Variants in HEMK2 observed in about 807,000 individuals in gnomAD.
The protein encoded by HEMK2 is methyltransferase HEMK2.
chr21:28,730,100 G>T, the HEMK2 span, among the ~76,000 whole-genome samples: 1 of 151,986 alleles, frequency 6.6e-6, no homozygotes, highest in Admixed American at 6.6e-5. Context: ...AAACATTGCC[G>T]GGCTTGGTGG....
chr21:28,602,722 G>T, the HEMK2 span, among the ~76,000 whole-genome samples: 2 of 152,228 alleles, frequency 1.3e-5, no homozygotes, highest in Non-Finnish European at 2.9e-5. Flanking sequence ...CAGTGGAAAT[G>T]ATAGATAACA....
At chr21:28,664,063 A>G in the HEMK2 span, among the ~76,000 whole-genome samples, 2,455 of 152,334 alleles carry the variant, frequency 0.016, 67 homozygotes, top group African/African-American at 0.055. Context: ...ACAATAAAGT[A>G]TATTGCAAAA....
At chr21:28,667,802 G>A in the HEMK2 span, among the ~76,000 whole-genome samples, 5 of 152,140 alleles carry the variant, frequency 3.3e-5, no homozygotes, top group African/African-American at 7.2e-5. Flanking sequence ...TCTGAGTTAC[G>A]AATGTGTGAT....
At chr21:28,778,165 T>C in the HEMK2 span, among the ~76,000 whole-genome samples, 14 of 152,208 alleles carry the variant, frequency 9.2e-5, no homozygotes, top group Admixed American at 9.2e-4. Context: ...TATTAGGCTA[T>C]CCTCCAATTC....
chr21:28,857,408 G>A, the HEMK2 span, among the ~76,000 whole-genome samples: 2 of 152,018 alleles, frequency 1.3e-5, no homozygotes, highest in African/African-American at 2.4e-5. Flanking sequence ...AAGTTTTAAT[G>A]TACATTTATT....
the HEMK2 span, among the ~76,000 whole-genome samples, chr21:28,729,634 A>C: frequency 2.5e-5 from 1 of 39,650 alleles, no homozygotes; most frequent in Non-Finnish European, 3.7e-5. Context: ...GCTGATAAGC[A>C]AAAAAAAAAA....
the HEMK2 span, among the ~76,000 whole-genome samples, chr21:28,712,871 T>C: frequency 6.6e-6 from 1 of 152,176 alleles, no homozygotes; most frequent in African/African-American, 2.4e-5. Flanking sequence ...TAAATAAATG[T>C]TTTGACTAAT....
At chr21:28,650,555 G>C in the HEMK2 span, among the ~76,000 whole-genome samples, 1 of 152,150 alleles carries the variant, frequency 6.6e-6, no homozygotes, top group African/African-American at 2.4e-5. Context: ...GAAGGAGTCA[G>C]AAAACTTTAC....
chr21:28,869,749 C>A, the HEMK2 span, among the ~76,000 whole-genome samples: 34 of 152,280 alleles, frequency 2.2e-4, no homozygotes, highest in African/African-American at 8.2e-4. Flanking sequence ...ATGCTCTGGA[C>A]AAAGCACATT....
At chr21:28,660,353 T>C in the HEMK2 span, among the ~76,000 whole-genome samples, 3 of 151,952 alleles carry the variant, frequency 2.0e-5, no homozygotes, top group East Asian at 5.8e-4. Flanking sequence ...CAAGCTTTAC[T>C]TGTTCCTAAT....
chr21:28,759,388 AATGCCTGT>A, the HEMK2 span, among the ~76,000 whole-genome samples: 2 of 152,134 alleles, frequency 1.3e-5, no homozygotes. Context: ...TGTATTTCCC[AATGCCTGT>A]ACCCCCACTG....
chr21:28,601,919 T>C, the HEMK2 span, among the ~76,000 whole-genome samples: 4 of 152,342 alleles, frequency 2.6e-5, no homozygotes, highest in African/African-American at 9.6e-5. Context: ...TAACCTTGTC[T>C]GGAAGCAGCA....
At chr21:28,829,425 T>C in the HEMK2 span, among the ~76,000 whole-genome samples, 33 of 152,188 alleles carry the variant, frequency 2.2e-4, no homozygotes, top group Admixed American at 5.2e-4. Flanking sequence ...AGGTTCCTTA[T>C]AAAATAAGGT....
the HEMK2 span, among the ~76,000 whole-genome samples, chr21:28,591,198 A>G: frequency 6.6e-6 from 1 of 152,230 alleles, no homozygotes; most frequent in Non-Finnish European, 1.5e-5. Flanking sequence ...TGACCAGATC[A>G]CATTACATAA....
At chr21:28,629,092 A>T in the HEMK2 span, among the ~76,000 whole-genome samples, 1 of 152,188 alleles carries the variant, frequency 6.6e-6, no homozygotes, top group East Asian at 1.9e-4. Context: ...ATCCCTCCCC[A>T]TACACAAGGA....
At chr21:28,745,428 C>T in the HEMK2 span, among the ~76,000 whole-genome samples, 1 of 152,152 alleles carries the variant, frequency 6.6e-6, no homozygotes, top group Non-Finnish European at 1.5e-5. Flanking sequence ...CAGGAGTTTA[C>T]TGCCTTAGAC....
At chr21:28,870,871 G>T in the HEMK2 span, among the ~76,000 whole-genome samples, 118 of 152,154 alleles carry the variant, frequency 7.8e-4, no homozygotes, top group African/African-American at 2.7e-3. Flanking sequence ...CTTACTTTTG[G>T]TCTAATACGT....
the HEMK2 span, chr21:28,873,256 G>A: frequency 6.6e-6 from 1 of 152,206 alleles, no homozygotes; most frequent in Admixed American, 6.5e-5. Context: ...GAACACTGGA[G>A]CCAGTTAAAA....
chr21:28,856,631 G>A, the HEMK2 span, among the ~76,000 whole-genome samples: 2 of 152,182 alleles, frequency 1.3e-5, no homozygotes, highest in Non-Finnish European at 2.9e-5. Flanking sequence ...GGCAATTGGT[G>A]CAACCCACAA....
Sources: gnomAD v4.1 joint callset for allele counts (sites outside exome capture counted in the v4.1 genomes callset) on GRCh38, gnomAD v4.1.1 for gene constraint, MANE v1.5 for transcripts, NCBI Gene and HGNC (gene_info 2026-07-23, HGNC 2026-07-21) for gene names.